The following LNPEP variants were observed in gnomAD, a reference collection of about 807,000 sequenced individuals.
LNPEP encodes leucyl and cystinyl aminopeptidase.
A neutral mutation model predicts 120.6 loss-of-function variants in LNPEP; 64 were observed. That is an observed-to-expected ratio of 0.53 (90% CI 0.43 to 0.65). The LOEUF is 0.65. Among genes scored for constraint, LNPEP ranks in the 30% least tolerant of loss-of-function variants. The probability of loss-of-function intolerance (pLI) is 0.00; values close to 1 mark genes in which losing one functional copy is unlikely to be tolerated. For missense variants in LNPEP, 1,057 were observed against 1,200.0 expected (o/e 0.88, Z 1.76); for synonymous variants, 435 against 425.4 (o/e 1.02, Z -0.28).
intron 4 of LNPEP, among the ~76,000 whole-genome samples, chr5:96,988,080 A>G (rs2112619017): frequency 6.6e-6 from 1 of 151,916 alleles, no homozygotes; most frequent in South Asian, 2.1e-4. Flanking sequence ...AACCCCCAGC[A>G]CTTTTTATGT....
At position 97,016,584 on chromosome 5, in the gene LNPEP, G is replaced by A. The variant is rs547007585; in HGVS notation, c.2376+1489G>A. ...TAAAATCAATTTGTGTCCTAGCAACGTCGTCTTTCCAGGATACCTTTAGAA... is the reference window on the plus strand; with the variant it reads ...TAAAATCAATTTGTGTCCTAGCAACATCGTCTTTCCAGGATACCTTTAGAA... On this transcript the variant is annotated intron_variant, in intron 13 of 17. Coordinates refer to ENST00000231368, the MANE Select transcript of LNPEP (RefSeq NM_005575.3). 2.0e-4 allele frequency among the ~76,000 whole-genome samples: 30 copies of A among 152,178 alleles called. 1 individual carries two copies. Among genetic ancestry groups the A allele is most frequent in the Admixed American group, 1.5e-3 (23 of 15,278 alleles).
rs559092067 is a variant in LNPEP, at chr5:96,947,789, T to A, written c.19+11615T>A. On this transcript the variant is annotated intron_variant, in intron 1 of 17. Coordinates refer to ENST00000231368, the MANE Select transcript of LNPEP (RefSeq NM_005575.3). The stretch of plus-strand genomic sequence containing the variant: ...ACCAGAAAACTAAATACAGAAATAT[T>A]ACATATAGAGAGAATATAATGTACA... Among the ~76,000 whole-genome samples, 3 of 152,318 alleles carry A rather than the reference T, an allele frequency of 2.0e-5. No individual in the cohort carries two copies. In the South Asian group the frequency reaches 6.2e-4, roughly 32 times the overall value.
intron 1 of LNPEP, among the ~76,000 whole-genome samples, chr5:96,961,243 T>G (rs1789598163): frequency 6.6e-6 from 1 of 152,232 alleles, no homozygotes; most frequent in African/African-American, 2.4e-5. Context: ...GCTTAACCAT[T>G]TCCTGTAAGT....
rs1285616610 is a variant in LNPEP, at chr5:97,032,642, G to C, written c.*4109G>C. 6.6e-6 allele frequency: 1 copy of C among 152,206 alleles called. No individual in the cohort carries two copies. The highest frequency in any genetic ancestry group is 1.5e-5 in the Non-Finnish European group (1 of 68,034). 9.4% of individuals were successfully genotyped at this position (152,206 alleles called of 1,614,324 possible). A position where few individuals can be genotyped will look rare whatever the true frequency, so the allele number is the denominator to read the frequency against. ...AGTTATTTGGTTTCCTTCTTTGGAA[G>C]AAGGTGGTGATGTTGAGAGGAGAGC... On this transcript the variant is annotated 3_prime_UTR_variant, in exon 18 of 18. Transcript: ENST00000231368.
intron 13 of LNPEP, among the ~76,000 whole-genome samples, chr5:97,015,399 T>C (rs1316128361): frequency 1.3e-5 from 2 of 152,166 alleles, no homozygotes; most frequent in Non-Finnish European, 2.9e-5. Context: ...ATGATGAATG[T>C]TTGAAATAGG....
chr5:97,016,024 C>T (rs896256720), intron 13 of LNPEP, among the ~76,000 whole-genome samples: 2 of 152,052 alleles, frequency 1.3e-5, no homozygotes, highest in African/African-American at 4.8e-5. Flanking sequence ...GAACAGTTCT[C>T]TCATCACCTG....
chr5:96,971,423 G>T (rs1375708766), intron 1 of LNPEP, among the ~76,000 whole-genome samples: 1 of 149,942 alleles, frequency 6.7e-6, no homozygotes, highest in Non-Finnish European at 1.5e-5. Flanking sequence ...TTTTGGATCT[G>T]GTAAGTGGTG....
chr5:96,938,519 C>T (rs2910787), intron 1 of LNPEP, among the ~76,000 whole-genome samples: 67,083 of 151,954 alleles, frequency 0.44, 14,944 homozygotes, highest in Non-Finnish European at 0.49. Flanking sequence ...GTGAATTTAG[C>T]TTATATCTTG....
At chr5:96,945,405 C>T (rs1188188581) in intron 1 of LNPEP, among the ~76,000 whole-genome samples, 1 of 65,306 alleles carries the variant, frequency 1.5e-5, no homozygotes, top group Non-Finnish European at 3.0e-5. Context: ...GACCCTATCT[C>T]AAAAAAAAAA....
At chr5:96,957,899 G>C (rs1343601775) in intron 1 of LNPEP, among the ~76,000 whole-genome samples, 1 of 152,206 alleles carries the variant, frequency 6.6e-6, no homozygotes, top group Non-Finnish European at 1.5e-5. Flanking sequence ...ATGTAGCTCA[G>C]TGATTATTCT....
intron 8 of LNPEP, among the ~76,000 whole-genome samples, chr5:97,001,190 G>A (rs919715494): frequency 2.0e-4 from 31 of 152,320 alleles, no homozygotes; most frequent in African/African-American, 5.8e-4. Context: ...GATGGGTGGC[G>A]AGATAATGGT....
intron 12 of LNPEP, 135 bp downstream of exon 12, chr5:97,013,966 A>T: frequency 1.8e-6 from 1 of 566,962 alleles, no homozygotes; most frequent in Non-Finnish European, 3.0e-6. Context: ...TTGGGAAAAT[A>T]TGTGTTCTTT....
chr5:96,957,004 T>C (rs775088735), intron 1 of LNPEP, among the ~76,000 whole-genome samples: 5 of 152,246 alleles, frequency 3.3e-5, no homozygotes, highest in Non-Finnish European at 7.3e-5. Context: ...ATAGTTTCTA[T>C]TTCTCTGCTG....
At position 96,985,067 on chromosome 5, in the gene LNPEP, GTGTT is replaced by G. The variant is rs1561441286; in HGVS notation, c.861-7_861-4del. On this transcript the variant is annotated splice_polypyrimidine_tract_variant and intron_variant, in intron 2 of 17. Transcript: ENST00000231368. Reference sequence around the variant, plus strand: ...GCTCAGTAACTACTGGATTGAATTTGTGTTTGTTTTAGGTACTTTGCAGCAACTC... The same window carrying G: ...GCTCAGTAACTACTGGATTGAATTTGTGTTTTAGGTACTTTGCAGCAACTC... 6.2e-7 allele frequency: 1 copy of G among 1,613,510 alleles called. No homozygotes were observed. The highest frequency in any genetic ancestry group is 2.2e-5 in the East Asian group (1 of 44,866).
At chr5:97,007,847 C>T (rs996446073) in intron 11 of LNPEP, among the ~76,000 whole-genome samples, 7 of 152,076 alleles carry the variant, frequency 4.6e-5, no homozygotes, top group Admixed American at 2.6e-4. Context: ...ATGAAGACTG[C>T]AGTACCTTTT....
intron 7 of LNPEP, 113 bp downstream of exon 7, chr5:96,996,616 A>G (rs1294884244): frequency 1.6e-6 from 1 of 630,542 alleles, no homozygotes; most frequent in African/African-American, 1.9e-5. Flanking sequence ...CTAGGAAGGT[A>G]TGCCAAACTT....
In LNPEP at chr5:97,027,774, G is replaced by T; in HGVS notation, c.2906G>T (p.Gly969Val). The T allele has an allele frequency of 6.2e-7, 1 of 1,610,494 alleles. No individual in the cohort carries two copies. The highest frequency in any genetic ancestry group is 1.1e-5 in the South Asian group (1 of 90,992). The change falls in exon 17 of 18, where the codon GGA becomes GTA. Residue 969 changes from glycine to valine, a missense_variant. Transcript: ENST00000231368. ...GSYTIQNIVAGSTYLFSTKTH... is the reference protein window; with the variant it reads ...GSYTIQNIVAVSTYLFSTKTH... Reference sequence around the variant, plus strand: ...TATACCATACAAAATATTGTTGCTGGATCAACTTACCTGTTTTCAACAAAG... The same window carrying T: ...TATACCATACAAAATATTGTTGCTGTATCAACTTACCTGTTTTCAACAAAG...
In LNPEP at chr5:96,954,709, TACAC is replaced by T. The variant is rs1267825222; in HGVS notation, c.19+18537_19+18540del. Among the ~76,000 whole-genome samples the T allele has an allele frequency of 4.4e-4, 51 of 116,098 alleles. 1 individual carries two copies. The highest frequency in any genetic ancestry group is 1.4e-3 in the African/African-American group (43 of 30,162). 76.2% of individuals were successfully genotyped at this position (116,098 alleles called of 152,430 possible). A position where few individuals can be genotyped will look rare whatever the true frequency, so the allele number is the denominator to read the frequency against. On this transcript the variant is annotated intron_variant, in intron 1 of 17. Coordinates refer to ENST00000231368, the MANE Select transcript of LNPEP (RefSeq NM_005575.3). ...ACATATATACACATATATACATATATACACATATATATACATATATATATACATA... is the reference window on the plus strand; with the variant it reads ...ACATATATACACATATATACATATATATATATATACATATATATATACATA...
Position 96,990,723 on chromosome 5 carries a change from C to T in LNPEP, c.1132-2292C>T, listed in dbSNP as rs572185211. Among the ~76,000 whole-genome samples the T allele has an allele frequency of 1.7e-3, 254 of 152,254 alleles. 1 individual carries two copies. Among genetic ancestry groups the T allele is most frequent in the African/African-American group, 5.8e-3 (241 of 41,550 alleles). On this transcript the variant is annotated intron_variant, in intron 4 of 17. Transcript: ENST00000231368. ...GTCATACAGATAGCAGAGATTTGAA[C>T]CCCAGCACTGTAAATACAGAGCCTA...
Sources: allele counts gnomAD v4.1 joint callset (sites outside exome capture counted in the v4.1 genomes callset), GRCh38; gene constraint gnomAD v4.1.1; transcripts MANE v1.5; gene names NCBI Gene and HGNC (gene_info 2026-07-23, HGNC 2026-07-21).